FGF7: variants seen among roughly 807,000 people sequenced by gnomAD.
The protein encoded by FGF7 is fibroblast growth factor 7.
A neutral mutation model predicts 20.5 loss-of-function variants in FGF7; 6 were observed. That is an observed-to-expected ratio of 0.29 (90% confidence interval 0.16 to 0.58). The LOEUF is 0.58. Ranked by LOEUF, FGF7 falls within the 20% of genes least tolerant of loss-of-function variation. The probability of loss-of-function intolerance (pLI) is 0.90; values close to 1 mark genes in which losing one functional copy is unlikely to be tolerated. For missense variants in FGF7, 144 were observed against 228.8 expected, an observed-to-expected ratio of 0.63 and a Z score of 2.39; for synonymous variants, 64 against 74.7, an observed-to-expected ratio of 0.86 and a Z score of 0.74.
At chr15:49,436,842 G>T (rs550111155) in intron 2 of FGF7, among the ~76,000 whole-genome samples, 1 of 151,570 alleles carries the variant, frequency 6.6e-6, no homozygotes, top group South Asian at 2.1e-4. Context: ...TCAAGCAGTG[G>T]GATAATTTGC....
rs1462100217 is a variant in FGF7, at chr15:49,476,238, T to G, written c.287-6913T>G. Among the ~76,000 whole-genome samples, 16 of 149,378 alleles carry G rather than the reference T, an allele frequency of 1.1e-4. 1 individual carries two copies. Among genetic ancestry groups the G allele is most frequent in the South Asian group, 8.4e-4 (4 of 4,758 alleles). ...TTTTGTTTTTTTGTTTTTGGTTTTT[T>G]TTTTTTTGCATTTGGCATATACTGC... On this transcript the variant is annotated intron_variant, in intron 2 of 3. Coordinates refer to ENST00000267843, the MANE Select transcript of FGF7 (RefSeq NM_002009.4).
At chr15:49,462,164 G>A (rs576481457) in intron 2 of FGF7, among the ~76,000 whole-genome samples, 2 of 152,268 alleles carry the variant, frequency 1.3e-5, no homozygotes, top group South Asian at 4.1e-4. Context: ...ATGGTGAAAG[G>A]AGAAATGTGT....
At chr15:49,441,811 A>T (rs2051676953) in intron 2 of FGF7, among the ~76,000 whole-genome samples, 1 of 151,326 alleles carries the variant, frequency 6.6e-6, no homozygotes, top group Non-Finnish European at 1.5e-5. Flanking sequence ...GTATTATCTC[A>T]TTGAATTCCT....
At chr15:49,436,501 A>G (rs1005061441) in intron 2 of FGF7, among the ~76,000 whole-genome samples, 1 of 151,660 alleles carries the variant, frequency 6.6e-6, no homozygotes, top group Non-Finnish European at 1.5e-5. Flanking sequence ...AACATGGGCC[A>G]TTAGTATTAA....
chr15:49,475,851 G>T, intron 2 of FGF7, among the ~76,000 whole-genome samples: 1 of 152,106 alleles, frequency 6.6e-6, no homozygotes, highest in East Asian at 1.9e-4. Context: ...AGGCGGTCGT[G>T]GTGGCGCATG....
chr15:49,477,186 T>A (rs1359503538), intron 2 of FGF7, among the ~76,000 whole-genome samples: 1 of 152,240 alleles, frequency 6.6e-6, no homozygotes, highest in Non-Finnish European at 1.5e-5. Context: ...TGAGCCAATA[T>A]TTATTTATGC....
chr15:49,437,902 C>A (rs1486386291), intron 2 of FGF7, among the ~76,000 whole-genome samples: 1 of 151,530 alleles, frequency 6.6e-6, no homozygotes, highest in African/African-American at 2.4e-5. Flanking sequence ...CTAACAGAAC[C>A]TGGGAGAGAA....
chr15:49,449,020 A>G (rs535280620), intron 2 of FGF7, among the ~76,000 whole-genome samples: 80 of 152,046 alleles, frequency 5.3e-4, no homozygotes, highest in African/African-American at 1.9e-3. Context: ...AGGAGAAATA[A>G]CATTCTTTTC....
chr15:49,443,220 A>C (rs1468522322), intron 2 of FGF7, among the ~76,000 whole-genome samples: 1 of 151,734 alleles, frequency 6.6e-6, no homozygotes, highest in Non-Finnish European at 1.5e-5. Flanking sequence ...ACTTAGAATG[A>C]AATAAATTAC....
rs755556675 is a variant in FGF7 at position 49,483,268 on chromosome 15, A to G, written c.390+14A>G. On this transcript the variant is annotated intron_variant, in intron 3 of 3. Coordinates refer to ENST00000267843, the MANE Select transcript of FGF7 (RefSeq NM_002009.4). ...CTCTATGCAAAGGTATTGATAATTG[A>G]TAGCTTAGGCTTAATTTTTAAAACT... 10 of 1,303,554 alleles carry G rather than the reference A, an allele frequency of 7.7e-6. No individual in the cohort carries two copies. The South Asian group carries it at 1.1e-4, about 14-fold the overall frequency. 80.7% of individuals were successfully genotyped at this position (1,303,554 alleles called of 1,614,324 possible). A position where few individuals can be genotyped will look rare whatever the true frequency, so the allele number is the denominator to read the frequency against.
At chr15:49,438,466 AGAGAAAAGG>A (rs574818304) in intron 2 of FGF7, among the ~76,000 whole-genome samples, 1 of 151,874 alleles carries the variant, frequency 6.6e-6, no homozygotes, top group South Asian at 2.1e-4. Flanking sequence ...CAATTGCAGA[AGAGAAAAGG>A]GAGAAAAGTA....
At chr15:49,484,222 T>C (rs2056204889) in intron 3 of FGF7, 88 bp from the exon 4 acceptor site, 15 of 910,954 alleles carry the variant, frequency 1.6e-5, no homozygotes, top group Admixed American at 7.3e-5. Flanking sequence ...GTTTCAATTC[T>C]ACCAAATATT....
At chr15:49,483,857 C>CT (rs778472082) in intron 3 of FGF7, among the ~76,000 whole-genome samples, 23 of 152,064 alleles carry the variant, frequency 1.5e-4, no homozygotes, top group Middle Eastern at 3.4e-3. Context: ...ACAAATTAAC[C>CT]TTTTATCTTC....
At chr15:49,477,692 C>T (rs991989675) in intron 2 of FGF7, among the ~76,000 whole-genome samples, 3 of 152,252 alleles carry the variant, frequency 2.0e-5, no homozygotes, top group Admixed American at 1.3e-4. Flanking sequence ...GGGCAAAAAC[C>T]TGGGGGCATG....
At chr15:49,443,423 C>T (rs1006713871) in intron 2 of FGF7, among the ~76,000 whole-genome samples, 6 of 151,290 alleles carry the variant, frequency 4.0e-5, no homozygotes, top group Non-Finnish European at 8.9e-5. Context: ...GATAAGAGCA[C>T]CTACACCACA....
At chr15:49,458,825 G>A (rs970022200) in intron 2 of FGF7, among the ~76,000 whole-genome samples, 2 of 152,078 alleles carry the variant, frequency 1.3e-5, no homozygotes, top group Admixed American at 6.6e-5. Flanking sequence ...TCTTGCAGAT[G>A]AATTCAAAGT....
At chr15:49,449,934 G>A (rs1597269878) in intron 2 of FGF7, among the ~76,000 whole-genome samples, 1 of 151,964 alleles carries the variant, frequency 6.6e-6, no homozygotes, top group Admixed American at 6.6e-5. Flanking sequence ...TGTATGGAGG[G>A]AACACTCCAC....
intron 2 of FGF7, among the ~76,000 whole-genome samples, chr15:49,430,788 C>T (rs1037036623): frequency 6.6e-6 from 1 of 151,778 alleles, no homozygotes. Context: ...GAGGTTGAAG[C>T]CTTCATGGCC....
chr15:49,442,406 A>G (rs1478998047), intron 2 of FGF7, among the ~76,000 whole-genome samples: 1 of 151,740 alleles, frequency 6.6e-6, no homozygotes, highest in African/African-American at 2.4e-5. Flanking sequence ...TTGTGAGAGT[A>G]AAATGTGAGA....
Sources: gnomAD v4.1 joint callset for allele counts (sites outside exome capture counted in the v4.1 genomes callset) on GRCh38, gnomAD v4.1.1 for gene constraint, MANE v1.5 for transcripts, NCBI Gene and HGNC (gene_info 2026-07-23, HGNC 2026-07-21) for gene names.